The following SPRY3 variants were observed in gnomAD, a reference collection of about 807,000 sequenced individuals.
The protein encoded by SPRY3 is sprouty RTK signaling antagonist 3, also known as protein sprouty homolog 3.
SPRY3 carries 15 observed loss-of-function variants against 20.2 expected under a neutral mutation model. The ratio of observed to expected loss-of-function variants is 0.74; its 90% CI spans 0.50 to 1.14. The LOEUF is 1.14. SPRY3 is among the 50% of genes most tolerant of loss of function. The pLI, the probability that SPRY3 is intolerant of heterozygous loss-of-function variation, is 0.00. For synonymous variants in SPRY3, 143 were observed against 136.5 expected (o/e 1.05, Z -0.33); for missense variants, 364 against 363.9 (o/e 1.00, Z 0.00).
chrX:155,718,829 T>C (rs1336191933), intron 2 of SPRY3, among the ~76,000 whole-genome samples: 1 of 152,052 alleles, frequency 6.6e-6, no homozygotes, highest in Non-Finnish European at 1.5e-5. Context: ...CTGGAAACCA[T>C]ATAGGAAAAT....
intron 2 of SPRY3, among the ~76,000 whole-genome samples, chrX:155,664,456 T>G (rs1407393624): frequency 2.8e-5 from 3 of 107,861 alleles, no homozygotes; most frequent in African/African-American, 1.0e-4. Flanking sequence ...TACTAGATAG[T>G]GAAACTTACC....
At chrX:155,653,733 G>A (rs782752591) in intron 1 of SPRY3, among the ~76,000 whole-genome samples, 1 of 111,879 alleles carries the variant, frequency 8.9e-6, no homozygotes, top group South Asian at 3.7e-4. Context: ...TGGCTACTTG[G>A]ACTCATTGCA....
intron 2 of SPRY3, among the ~76,000 whole-genome samples, chrX:155,696,256 CAGAG>C (rs1217974455): frequency 2.5e-4 from 26 of 103,385 alleles, no homozygotes; most frequent in Non-Finnish European, 3.8e-4. Context: ...CATATATATA[CAGAG>C]AGAGAGAGAG....
intron 2 of SPRY3, among the ~76,000 whole-genome samples, chrX:155,743,273 G>A (rs1019276233): frequency 4.6e-5 from 7 of 152,136 alleles, no homozygotes; most frequent in African/African-American, 1.7e-4. Flanking sequence ...CCAGGAAGAA[G>A]CCTAACCAGT....
downstream of SPRY3, chrX:155,781,476 G>C (rs2091462842): frequency 6.0e-6 from 1 of 167,004 alleles, no homozygotes; most frequent in Non-Finnish European, 1.5e-5. Context: ...CAGATAGTGA[G>C]GCTAAGAGAG....
exon 4 of SPRY3, chrX:155,774,329 G>T (rs769107290): frequency 1.2e-6 from 2 of 1,614,034 alleles, no homozygotes; most frequent in South Asian, 2.2e-5. Context: ...TGTGGGCGCT[G>T]CAAGTGCGTC....
intron 2 of SPRY3, among the ~76,000 whole-genome samples, chrX:155,767,453 G>T (rs1285056551): frequency 6.6e-6 from 1 of 151,922 alleles, no homozygotes; most frequent in African/African-American, 2.4e-5. Context: ...CTATTGCTCC[G>T]TTGAGATACC....
chrX:155,645,847 TA>T lies in SPRY3; in HGVS notation c.-440-11017del, dbSNP rs781885124. ...TGCTTCTTTGTGTGCAGGTAATTGTTAAATTGGTGTCCTTGTGGAGGGGATG... is the reference window on the plus strand; with the variant it reads ...TGCTTCTTTGTGTGCAGGTAATTGTTAATTGGTGTCCTTGTGGAGGGGATG... On this transcript the variant is annotated intron_variant, in intron 1 of 3. Transcript: ENST00000675360. Among the ~76,000 whole-genome samples, 9 of 112,015 alleles carry T rather than the reference TA, an allele frequency of 8.0e-5. No individual in the cohort carries two copies. The East Asian group carries it at 2.5e-3, about 32-fold the overall frequency.
chrX:155,775,480 C>T (rs1021814390), exon 4 of SPRY3: 3 of 167,124 alleles, frequency 1.8e-5, no homozygotes, highest in African/African-American at 7.2e-5. Context: ...CTTTGCTATG[C>T]TATACTATTT....
In SPRY3 at chrX:155,774,598, G is replaced by A; in HGVS notation, c.727G>A (p.Gly243Arg). 2 of 1,613,948 alleles carry A rather than the reference G, an allele frequency of 1.2e-6. No individual in the cohort carries two copies. The highest frequency in any genetic ancestry group is 4.5e-5 in the East Asian group (2 of 44,878). ...CCTGTGCTGCTACCTGCCTACCCGT[G>A]GATGCCTCCATCTGTGCCAACAGGG... The change falls in exon 4 of 4, where the codon GGA becomes AGA. Residue 243 changes from glycine to arginine, a missense_variant. Gly to Arg is a moderately radical substitution (Grantham distance 125). Transcript: ENST00000675360.
chrX:155,781,857 T>TG (rs35966782), exon 2 of SPRY3: 20,090 of 166,936 alleles, frequency 0.12, 1,470 homozygotes, highest in South Asian at 0.25. Flanking sequence ...ATTGAACACT[T>TG]GTGTAGGTCG....
chrX:155,673,211 A>T (rs1303305493), intron 2 of SPRY3, among the ~76,000 whole-genome samples: 4 of 108,636 alleles, frequency 3.7e-5, no homozygotes, highest in Non-Finnish European at 7.7e-5. Context: ...ACTTAAAGTA[A>T]AATAATAAAA....
exon 4 of SPRY3, chrX:155,775,721 G>A (rs923164906): frequency 6.0e-6 from 1 of 167,064 alleles, no homozygotes; most frequent in Non-Finnish European, 1.5e-5. Context: ...AGTAAATCAG[G>A]ATGCTCATAA....
chrX:155,679,995 G>A (rs2068068914), intron 2 of SPRY3, among the ~76,000 whole-genome samples: 1 of 110,619 alleles, frequency 9.0e-6, no homozygotes, highest in Non-Finnish European at 1.9e-5. Flanking sequence ...AGAAAGTGCG[G>A]CTAGAAAGTA....
At chrX:155,728,008 G>C (rs1015168355) in intron 2 of SPRY3, among the ~76,000 whole-genome samples, 2 of 152,128 alleles carry the variant, frequency 1.3e-5, no homozygotes, top group Admixed American at 6.6e-5. Context: ...TGATGCTGAT[G>C]TTATTTCTTT....
intron 1 of SPRY3, among the ~76,000 whole-genome samples, chrX:155,629,375 A>G (rs1557350244): frequency 9.0e-6 from 1 of 110,536 alleles, no homozygotes; most frequent in East Asian, 2.9e-4. Context: ...CATGGTGTAT[A>G]TGTGCCACAT....
chrX:155,727,042 T>A (rs979974881), intron 2 of SPRY3, among the ~76,000 whole-genome samples: 1 of 152,136 alleles, frequency 6.6e-6, no homozygotes, highest in East Asian at 1.9e-4. Flanking sequence ...TAAAGGAGTT[T>A]ATTTCTCCTT....
At chrX:155,750,324 A>G (rs1163541559) in intron 2 of SPRY3, among the ~76,000 whole-genome samples, 1 of 151,864 alleles carries the variant, frequency 6.6e-6, no homozygotes, top group African/African-American at 2.4e-5. Context: ...ACTGTTGGGT[A>G]CTATGCTCAC....
rs306889 is a variant in SPRY3, at chrX:155,774,775, G to T, written c.*37G>T. 0.7 allele frequency: 1,106,507 copies of T among 1,575,552 alleles called. 391,932 individuals carry two copies. Among genetic ancestry groups the T allele is most frequent in the South Asian group, 0.81 (68,181 of 83,790 alleles). ...GGTGGATCCAGAGCTTTTCTCCTTC[G>T]AGTCCCCAACAGCAAAGCATAGGCC... On this transcript the variant is annotated 3_prime_UTR_variant, in exon 4 of 4. Coordinates refer to ENST00000675360, the Ensembl canonical transcript of SPRY3.
Sources: allele counts gnomAD v4.1 joint callset (sites outside exome capture counted in the v4.1 genomes callset), GRCh38; gene constraint gnomAD v4.1.1; transcripts MANE v1.5; gene names NCBI Gene and HGNC (gene_info 2026-07-23, HGNC 2026-07-21).